GALNTL6: variants seen among roughly 807,000 people sequenced by gnomAD.
GALNTL6 encodes the protein polypeptide N-acetylgalactosaminyltransferase like 6, also known as polypeptide N-acetylgalactosaminyltransferase-like 6.
In GALNTL6, 46 loss-of-function variants were observed where a neutral mutation model predicts 73.7. The ratio of observed to expected loss-of-function variants is 0.62; its 90% CI spans 0.49 to 0.80. The LOEUF is 0.80. Among genes scored for constraint, GALNTL6 ranks in the 30% least tolerant of loss-of-function variants. The pLI is 0.00. For missense variants in GALNTL6, 604 were observed against 755.0 expected (o/e 0.80, Z 2.34); for synonymous variants, 259 against 263.7 (o/e 0.98, Z 0.17).
chr4:172,417,276 A>G (rs1730873623), intron 5 of GALNTL6, among the ~76,000 whole-genome samples: 1 of 152,044 alleles, frequency 6.6e-6, no homozygotes. Context: ...CCACTTCACT[A>G]TCCAATGAAA....
At chr4:172,493,489 C>G (rs1390368983) in intron 5 of GALNTL6, among the ~76,000 whole-genome samples, 1 of 152,174 alleles carries the variant, frequency 6.6e-6, no homozygotes, top group Non-Finnish European at 1.5e-5. Flanking sequence ...ATGAAGGTTA[C>G]AGATTCGTTT....
At chr4:172,909,069 A>T (rs998575249) in intron 8 of GALNTL6, among the ~76,000 whole-genome samples, 1 of 151,936 alleles carries the variant, frequency 6.6e-6, no homozygotes, top group Non-Finnish European at 1.5e-5. Context: ...CCAGATAAAA[A>T]TGTGAAGTTA....
intron 5 of GALNTL6, among the ~76,000 whole-genome samples, chr4:172,590,625 C>G (rs977547866): frequency 6.6e-6 from 1 of 152,034 alleles, no homozygotes; most frequent in African/African-American, 2.4e-5. Context: ...AATTTCACAC[C>G]CAAGGATTCT....
At chr4:172,613,452 C>G (rs1410380163) in intron 5 of GALNTL6, among the ~76,000 whole-genome samples, 1 of 151,806 alleles carries the variant, frequency 6.6e-6, no homozygotes, top group Non-Finnish European at 1.5e-5. Flanking sequence ...AGAGCAAGTG[C>G]TAGGGCCTAT....
chr4:171,975,705 C>T (rs953078480), intron 2 of GALNTL6, among the ~76,000 whole-genome samples: 3 of 152,176 alleles, frequency 2.0e-5, no homozygotes, highest in African/African-American at 7.2e-5. Context: ...TACAAAAGAA[C>T]TTGCTCTATT....
chr4:172,822,164 C>T (rs1020420502), intron 7 of GALNTL6, among the ~76,000 whole-genome samples: 2 of 152,154 alleles, frequency 1.3e-5, no homozygotes, highest in African/African-American at 4.8e-5. Flanking sequence ...CTTAAATTAG[C>T]AATCCCTGTT....
At chr4:171,955,997 T>C (rs1224329798) in intron 2 of GALNTL6, among the ~76,000 whole-genome samples, 1 of 115,746 alleles carries the variant, frequency 8.6e-6, no homozygotes, top group Non-Finnish European at 1.8e-5. Context: ...TACTTACTAA[T>C]TTGTGTGTGT....
chr4:172,194,492 A>C (rs536309603), intron 2 of GALNTL6, among the ~76,000 whole-genome samples: 2 of 152,268 alleles, frequency 1.3e-5, no homozygotes, highest in African/African-American at 4.8e-5. Context: ...ACCACAAGGC[A>C]CATAAACTCC....
intron 3 of GALNTL6, among the ~76,000 whole-genome samples, chr4:172,295,535 T>TTTTTTTTTTTTTTTTTTTTTTGG (rs1435422502): frequency 1.7e-3 from 11 of 6,552 alleles, no homozygotes; most frequent in East Asian, 0.05. Context: ...TTTTAGGTTT[T>TTTTTTTTTTTTTTTTTTTTTTGG]TTTTTTTTTT....
At chr4:171,972,733 A>AT (rs1739607293) in intron 2 of GALNTL6, among the ~76,000 whole-genome samples, 1 of 152,146 alleles carries the variant, frequency 6.6e-6, no homozygotes, top group South Asian at 2.1e-4. Context: ...ATTGCTATCT[A>AT]TTAAATTGGA....
chr4:172,009,848 G>A (rs1016545836), intron 2 of GALNTL6, among the ~76,000 whole-genome samples: 1 of 151,942 alleles, frequency 6.6e-6, no homozygotes, highest in Non-Finnish European at 1.5e-5. Context: ...CACTATTAGG[G>A]ACCTCCTTGC....
At chr4:172,176,337 C>CAAAAAAAAAAAAA (rs562300659) in intron 2 of GALNTL6, among the ~76,000 whole-genome samples, 558 of 31,298 alleles carry the variant, frequency 0.018, 171 homozygotes, top group African/African-American at 0.041. Context: ...GACTCCGTCT[C>CAAAAAAAAAAAAA]AAAAAAAAAA....
At chr4:172,943,032 C>A (rs1748990941) in intron 9 of GALNTL6, among the ~76,000 whole-genome samples, 1 of 152,114 alleles carries the variant, frequency 6.6e-6, no homozygotes, top group South Asian at 2.1e-4. Context: ...CCAAAACAAA[C>A]AAGTACAATC....
At chr4:172,513,879 C>T (rs137867352) in intron 5 of GALNTL6, among the ~76,000 whole-genome samples, 90 of 152,242 alleles carry the variant, frequency 5.9e-4, no homozygotes, top group African/African-American at 2.1e-3. Context: ...CTTGTTTTCT[C>T]GTATGCTGGT....
At chr4:172,780,759 A>G (rs114850490) in intron 5 of GALNTL6, among the ~76,000 whole-genome samples, 2 of 152,312 alleles carry the variant, frequency 1.3e-5, no homozygotes, top group Non-Finnish European at 2.9e-5. Flanking sequence ...AGAGCAAAAT[A>G]TTATTACTCA....
chr4:173,011,616 C>T (rs1752558664), intron 11 of GALNTL6, among the ~76,000 whole-genome samples: 1 of 152,042 alleles, frequency 6.6e-6, no homozygotes, highest in Admixed American at 6.6e-5. Context: ...TTTCCCAGCA[C>T]CATTTATTAA....
intron 8 of GALNTL6, among the ~76,000 whole-genome samples, chr4:172,925,408 A>G (rs926653672): frequency 6.6e-6 from 1 of 152,074 alleles, no homozygotes; most frequent in Non-Finnish European, 1.5e-5. Context: ...TAGTAACAGA[A>G]CTCTAAGATG....
intron 5 of GALNTL6, among the ~76,000 whole-genome samples, chr4:172,583,677 G>T (rs1392302566): frequency 6.6e-6 from 1 of 151,940 alleles, no homozygotes; most frequent in Non-Finnish European, 1.5e-5. Flanking sequence ...CGAGGCGGGT[G>T]GATCACGATG....
rs184674028 is a variant in GALNTL6, at chr4:172,493,834, A to C, written c.553+145145A>C. ...ATAGCTTTTTAGTCCATGAGTCCTCAATTAAAATTCAGACTCTGAGTAAAG... is the reference window on the plus strand; with the variant it reads ...ATAGCTTTTTAGTCCATGAGTCCTCCATTAAAATTCAGACTCTGAGTAAAG... On this transcript the variant is annotated intron_variant, in intron 5 of 12. Coordinates refer to ENST00000506823, the MANE Select transcript of GALNTL6 (RefSeq NM_001034845.3). 2.4e-3 allele frequency among the ~76,000 whole-genome samples: 367 copies of C among 152,262 alleles called. 1 individual carries two copies. The highest frequency in any genetic ancestry group is 4.6e-3 in the Admixed American group (71 of 15,292).
Sources: allele counts gnomAD v4.1 joint callset (sites outside exome capture counted in the v4.1 genomes callset), GRCh38; gene constraint gnomAD v4.1.1; transcripts MANE v1.5; gene names NCBI Gene and HGNC (gene_info 2026-07-23, HGNC 2026-07-21).